The following ZFPM2 variants were observed in gnomAD, a reference collection of about 807,000 sequenced individuals.
ZFPM2 encodes zinc finger protein ZFPM2.
In ZFPM2, 20 loss-of-function variants were observed where a neutral mutation model predicts 98.6. The observed-to-expected ratio is 0.20, with a 90% CI of 0.14 to 0.29. ZFPM2 has a LOEUF of 0.29. ZFPM2 is among the 10% of genes least tolerant of loss of function. The probability of loss-of-function intolerance (pLI) is 1.00; values close to 1 mark genes in which losing one functional copy is unlikely to be tolerated. For missense variants in ZFPM2, 1,310 were observed against 1,388.6 expected, an observed-to-expected ratio of 0.94 and a Z score of 0.90; for synonymous variants, 518 against 502.7, an observed-to-expected ratio of 1.03 and a Z score of -0.41.
At chr8:105,332,169 T>C (rs1812245712) in intron 1 of ZFPM2, among the ~76,000 whole-genome samples, 1 of 151,782 alleles carries the variant, frequency 6.6e-6, no homozygotes, top group Admixed American at 6.6e-5. Flanking sequence ...ATTCACTTCT[T>C]ACTTCACATG....
At chr8:105,455,714 CATT>C (rs749639414) in intron 3 of ZFPM2, among the ~76,000 whole-genome samples, 18 of 152,074 alleles carry the variant, frequency 1.2e-4, no homozygotes, top group Non-Finnish European at 2.2e-4. Context: ...TTGTTAGTGT[CATT>C]ATATGTGGCT....
intron 5 of ZFPM2, among the ~76,000 whole-genome samples, chr8:105,709,799 A>G (rs1437064997): frequency 6.6e-6 from 1 of 152,116 alleles, no homozygotes; most frequent in Non-Finnish European, 1.5e-5. Flanking sequence ...TTTAAGCTGT[A>G]TGAAACTTTC....
At chr8:105,365,254 C>T (rs1419103248) in intron 1 of ZFPM2, among the ~76,000 whole-genome samples, 1 of 152,094 alleles carries the variant, frequency 6.6e-6, no homozygotes, top group Non-Finnish European at 1.5e-5. Context: ...ATTTGCAAGT[C>T]TGATCTTTCC....
chr8:105,469,358 T>G (rs982637187), intron 3 of ZFPM2, among the ~76,000 whole-genome samples: 15 of 152,170 alleles, frequency 9.9e-5, no homozygotes, highest in Non-Finnish European at 1.9e-4. Context: ...ATCTCTTTAC[T>G]CTCTCTTATT....
intron 5 of ZFPM2, among the ~76,000 whole-genome samples, chr8:105,773,456 C>A (rs2131095167): frequency 6.6e-6 from 1 of 151,648 alleles, no homozygotes; most frequent in African/African-American, 2.4e-5. Flanking sequence ...CTGGTTTTAC[C>A]TAAATCATGA....
At chr8:105,608,603 T>TTA (rs1554621378) in intron 4 of ZFPM2, among the ~76,000 whole-genome samples, 1 of 147,774 alleles carries the variant, frequency 6.8e-6, no homozygotes, top group African/African-American at 2.5e-5. Context: ...TTTTTTTTTT[T>TTA]AATCAGTGAG....
chr8:105,358,244 T>C (rs1460649173), intron 1 of ZFPM2, among the ~76,000 whole-genome samples: 1 of 150,918 alleles, frequency 6.6e-6, no homozygotes, highest in East Asian at 1.9e-4. Context: ...TACAAAGGGA[T>C]CCCAAGATTC....
chr8:105,436,507 C>T (rs1294498314), intron 2 of ZFPM2, among the ~76,000 whole-genome samples: 9 of 133,840 alleles, frequency 6.7e-5, no homozygotes, highest in African/African-American at 2.1e-4. Context: ...AGCAAAACTC[C>T]GTCTCAAAAA....
chr8:105,347,838 G>A (rs143099676), intron 1 of ZFPM2, among the ~76,000 whole-genome samples: 170 of 152,106 alleles, frequency 1.1e-3, no homozygotes, highest in African/African-American at 3.7e-3. Flanking sequence ...TATTATAGCC[G>A]TTGGACATGT....
At chr8:105,342,483 A>G (rs1001688339) in intron 1 of ZFPM2, among the ~76,000 whole-genome samples, 2 of 152,048 alleles carry the variant, frequency 1.3e-5, no homozygotes, top group Admixed American at 6.6e-5. Context: ...TTCAAGAGGA[A>G]TGTGTGAGAC....
rs778627449 is a variant in ZFPM2 at position 105,788,760 on chromosome 8, G to A, written c.575G>A (p.Gly192Asp). 20 of 1,613,882 alleles carry A rather than the reference G, an allele frequency of 1.2e-5. No homozygotes were observed. Among genetic ancestry groups the A allele is most frequent in the Non-Finnish European group, 1.6e-5 (19 of 1,179,892 alleles). The change falls in exon 6 of 8, where the codon GGT becomes GAT. Residue 192 changes from glycine (G) to aspartate (D), a missense_variant. By Grantham distance (94) the Gly-to-Asp change is moderately conservative. Transcript: ENST00000407775. ...ACAACTACGAAGGCCATCTCTGAGG[G>A]TGAAGAGCTAATTGCCTTTGTGGTG... ...WCTTTKAISE[G>D]EELIAFVVDF... is the part of the protein sequence containing the mutation.
intron 5 of ZFPM2, among the ~76,000 whole-genome samples, chr8:105,712,002 T>C (rs903966376): frequency 6.6e-6 from 1 of 152,130 alleles, no homozygotes; most frequent in Non-Finnish European, 1.5e-5. Context: ...TACTGCATTT[T>C]GTTCCAGAGT....
At chr8:105,358,250 G>A (rs1812784815) in intron 1 of ZFPM2, among the ~76,000 whole-genome samples, 1 of 150,120 alleles carries the variant, frequency 6.7e-6, no homozygotes, top group Non-Finnish European at 1.5e-5. Flanking sequence ...GGGATCCCAA[G>A]ATTCATTTTT....
intron 6 of ZFPM2, among the ~76,000 whole-genome samples, chr8:105,794,962 C>T (rs947277123): frequency 4.6e-5 from 7 of 152,108 alleles, no homozygotes; most frequent in Non-Finnish European, 7.4e-5. Context: ...GGGAGTGACC[C>T]GATTTTCCAG....
intron 2 of ZFPM2, among the ~76,000 whole-genome samples, chr8:105,425,404 C>T (rs1384016394): frequency 6.6e-6 from 1 of 152,190 alleles, no homozygotes; most frequent in Admixed American, 6.5e-5. Context: ...GATGAGACTC[C>T]ATCTGTAGCT....
chr8:105,773,189 A>G (rs556965079), intron 5 of ZFPM2, among the ~76,000 whole-genome samples: 1 of 152,180 alleles, frequency 6.6e-6, no homozygotes, highest in Non-Finnish European at 1.5e-5. Context: ...CTGTCATTTG[A>G]AATTGACTCT....
intron 4 of ZFPM2, among the ~76,000 whole-genome samples, chr8:105,609,732 A>G (rs138064898): frequency 1.3e-5 from 2 of 152,328 alleles, no homozygotes; most frequent in East Asian, 3.9e-4. Context: ...GCAAATGTTA[A>G]CAGTTGCTAA....
At chr8:105,510,984 C>T (rs1248017890) in intron 3 of ZFPM2, among the ~76,000 whole-genome samples, 4 of 152,226 alleles carry the variant, frequency 2.6e-5, no homozygotes, top group Non-Finnish European at 5.9e-5. Flanking sequence ...GTCAGTCTCA[C>T]AGGCAGTTCC....
Position 105,375,620 on chromosome 8 carries a change from AGTG to A in ZFPM2, c.41-43523_41-43521del, listed in dbSNP as rs1563628074. Reference sequence around the variant, plus strand: ...TTAGAACTCCCTTCACCAGTTGAGTAGTGAAGATAGGAGTCTGTAAAGAGGCAG... The same window carrying A: ...TTAGAACTCCCTTCACCAGTTGAGTAAAGATAGGAGTCTGTAAAGAGGCAG... On this transcript the variant is annotated intron_variant, in intron 1 of 7. Coordinates refer to ENST00000407775, the MANE Select transcript of ZFPM2 (RefSeq NM_012082.4). Among the ~76,000 whole-genome samples, 20 of 152,318 alleles carry A rather than the reference AGTG, an allele frequency of 1.3e-4. 1 individual carries two copies. In the South Asian group the frequency reaches 3.7e-3, roughly 28 times the overall value.
Sources: gnomAD v4.1 joint callset for allele counts (sites outside exome capture counted in the v4.1 genomes callset) on GRCh38, gnomAD v4.1.1 for gene constraint, MANE v1.5 for transcripts, NCBI Gene and HGNC (gene_info 2026-07-23, HGNC 2026-07-21) for gene names.